Variants in UXS1 observed in about 807,000 individuals in gnomAD.
UXS1 encodes UDP-glucuronate decarboxylase 1.
UXS1 carries 33 observed loss-of-function variants against 62.6 expected under a neutral mutation model. The ratio of observed to expected loss-of-function variants is 0.53; its 90% CI spans 0.40 to 0.70. The LOEUF (loss-of-function observed/expected upper bound fraction) is 0.70, where lower values mean the gene tolerates loss of function less well. Ranked by LOEUF, UXS1 falls within the 30% of genes least tolerant of loss-of-function variation. The pLI, the probability that UXS1 is intolerant of heterozygous loss-of-function variation, is 0.00. For synonymous variants in UXS1, 213 were observed against 206.8 expected, an observed-to-expected ratio of 1.03 and a Z score of -0.26; for missense variants, 434 against 556.3, an observed-to-expected ratio of 0.78 and a Z score of 2.21.
chr2:106,161,943 G>A (rs78854482), intron 4 of UXS1, among the ~76,000 whole-genome samples: 124 of 152,266 alleles, frequency 8.1e-4, no homozygotes, highest in Admixed American at 2.6e-3. Flanking sequence ...TGACAAGCAC[G>A]TCAAGTAAAC....
rs766505530 is a variant in UXS1, at chr2:106,112,661, C to G, written c.864G>C (p.Gln288His). The G allele has an allele frequency of 6.2e-7, 1 of 1,613,880 alleles. No homozygotes were observed. Among genetic ancestry groups the G allele is most frequent in the Non-Finnish European group, 8.5e-7 (1 of 1,179,892 alleles). ...CAGCACCTACCGTGAGTGGCTCCCC[C>G]TGGAGCGCCTGCAGGATGAAGTTGC... is the stretch of plus-strand genomic sequence containing the variant. ...VVSNFILQAL[Q>H]GEPLTVYGSG... is the part of the protein sequence containing the mutation. The change falls in exon 10 of 15, where the codon CAG becomes CAC. Residue 288 changes from glutamine (Q) to histidine (H), a missense_variant. Physicochemically the swap from Gln to His is conservative, Grantham distance 24. Around this residue, in one of 3 missense-constraint regions of UXS1, gnomAD observed 209 missense variants for 233.3 expected, o/e 0.90. Coordinates refer to ENST00000283148, the MANE Select transcript of UXS1 (RefSeq NM_001253875.2).
chr2:106,169,888 A>G (rs762389467), intron 1 of UXS1, among the ~76,000 whole-genome samples: 11 of 152,024 alleles, frequency 7.2e-5, no homozygotes, highest in Non-Finnish European at 1.2e-4. Context: ...GCTTCCCAGG[A>G]TCAGCCCTGG....
intron 5 of UXS1, among the ~76,000 whole-genome samples, chr2:106,146,358 C>A (rs1681565281): frequency 6.6e-6 from 1 of 152,160 alleles, no homozygotes; most frequent in Non-Finnish European, 1.5e-5. Context: ...ATCCTTTCTA[C>A]CTAAAATAAA....
intron 6 of UXS1, among the ~76,000 whole-genome samples, chr2:106,130,653 G>A (rs1043199376): frequency 4.6e-5 from 7 of 152,116 alleles, no homozygotes; most frequent in South Asian, 2.1e-4. Flanking sequence ...CGGGCCTTCC[G>A]GGCTCCCCTG....
intron 1 of UXS1, among the ~76,000 whole-genome samples, chr2:106,184,203 A>C (rs973042274): frequency 6.6e-6 from 1 of 152,206 alleles, no homozygotes; most frequent in Admixed American, 6.5e-5. Flanking sequence ...GAAAAAAATA[A>C]AAGTATAAAA....
chr2:106,146,875 T>C (rs532683288), intron 5 of UXS1, among the ~76,000 whole-genome samples: 2 of 145,696 alleles, frequency 1.4e-5, no homozygotes, highest in Admixed American at 1.4e-4. Flanking sequence ...GAAATTTGGG[T>C]TGGGTGCAGT....
At chr2:106,111,262 A>G (rs1167627958) in intron 10 of UXS1, among the ~76,000 whole-genome samples, 1 of 152,158 alleles carries the variant, frequency 6.6e-6, no homozygotes, top group African/African-American at 2.4e-5. Flanking sequence ...CTGTGCAGTG[A>G]AGGAAGGAGA....
intron 4 of UXS1, among the ~76,000 whole-genome samples, chr2:106,158,510 C>G (rs1682638560): frequency 1.3e-5 from 2 of 152,196 alleles, no homozygotes; most frequent in Admixed American, 6.5e-5. Context: ...ATATGACTGG[C>G]TCCATCTAAC....
In UXS1 at chr2:106,094,007, T is replaced by A. The variant is rs1676870174; in HGVS notation, c.*19A>T. The A allele has an allele frequency of 6.3e-7, 1 of 1,594,856 alleles. No individual in the cohort carries two copies. The highest frequency in any genetic ancestry group is 1.4e-5 in the African/African-American group (1 of 73,560). Reference sequence around the variant, plus strand: ...CATCAAGTGTACAATGGTAGTCTTGTGTCCTAAAAGTGAGGAGTTCAGCTG... The same window carrying A: ...CATCAAGTGTACAATGGTAGTCTTGAGTCCTAAAAGTGAGGAGTTCAGCTG... On this transcript the variant is annotated 3_prime_UTR_variant, in exon 15 of 15. Coordinates refer to ENST00000283148, the MANE Select transcript of UXS1 (RefSeq NM_001253875.2).
chr2:106,183,151 T>C (rs924389735), intron 1 of UXS1, among the ~76,000 whole-genome samples: 18 of 151,878 alleles, frequency 1.2e-4, no homozygotes, highest in African/African-American at 4.3e-4. Flanking sequence ...TCAGAATAAC[T>C]TGGTTCTTTC....
At chr2:106,107,852 C>T (rs1215342925) in intron 10 of UXS1, among the ~76,000 whole-genome samples, 1 of 152,202 alleles carries the variant, frequency 6.6e-6, no homozygotes, top group Non-Finnish European at 1.5e-5. Context: ...AGCTATGCTG[C>T]CTTCAGGTAC....
intron 1 of UXS1, among the ~76,000 whole-genome samples, chr2:106,173,895 G>C (rs1214889000): frequency 1.3e-5 from 2 of 152,210 alleles, no homozygotes; most frequent in Admixed American, 6.5e-5. Context: ...TCTGCTCTAA[G>C]GGATACCAGA....
chr2:106,164,100 C>A (rs1221203319), intron 3 of UXS1, among the ~76,000 whole-genome samples: 1 of 152,318 alleles, frequency 6.6e-6, no homozygotes, highest in East Asian at 1.9e-4. Context: ...CTCATGTTAT[C>A]AGCTGCAGCA....
intron 10 of UXS1, among the ~76,000 whole-genome samples, chr2:106,105,122 T>C (rs1179680098): frequency 6.6e-6 from 1 of 152,190 alleles, no homozygotes; most frequent in East Asian, 1.9e-4. Context: ...TCTTACGATG[T>C]GTCAGGCATC....
chr2:106,158,200 C>G, intron 4 of UXS1, 82 bp from the exon 5 acceptor site: 1 of 1,258,620 alleles, frequency 7.9e-7, no homozygotes, highest in South Asian at 1.3e-5. Context: ...AAAGCATGTG[C>G]CAGGTTTTGG....
chr2:106,111,688 A>G (rs1678622271), intron 10 of UXS1, among the ~76,000 whole-genome samples: 1 of 152,198 alleles, frequency 6.6e-6, no homozygotes, highest in Non-Finnish European at 1.5e-5. Flanking sequence ...AGGACAGAAG[A>G]GTGAGCTAAC....
rs184587378 is a variant in UXS1 at position 106,114,891 on chromosome 2, G to A, written c.760-2126C>T. On this transcript the variant is annotated intron_variant, in intron 9 of 14. Transcript: ENST00000283148. Reference sequence around the variant, plus strand: ...TAAACTCCTTACATGAAATAGACAGGAACCCGAGGCTCACTCCAGTTAAGC... The same window carrying A: ...TAAACTCCTTACATGAAATAGACAGAAACCCGAGGCTCACTCCAGTTAAGC... Among the ~76,000 whole-genome samples, 106 of 152,312 alleles carry A rather than the reference G, an allele frequency of 7.0e-4. 1 individual carries two copies. Among genetic ancestry groups the A allele is most frequent in the African/African-American group, 2.4e-3 (101 of 41,572 alleles).
At chr2:106,162,330 T>C (rs541134092) in intron 4 of UXS1, among the ~76,000 whole-genome samples, 1 of 152,226 alleles carries the variant, frequency 6.6e-6, no homozygotes, top group Non-Finnish European at 1.5e-5. Flanking sequence ...CTCAAAGATA[T>C]CACAAAAGTA....
chr2:106,124,298 G>A (rs1437558200), intron 8 of UXS1, among the ~76,000 whole-genome samples: 1 of 152,130 alleles, frequency 6.6e-6, no homozygotes, highest in Non-Finnish European at 1.5e-5. Context: ...GAAAAGGCTG[G>A]GTACGCCCAT....
Sources: allele counts gnomAD v4.1 joint callset (sites outside exome capture counted in the v4.1 genomes callset), GRCh38; gene constraint gnomAD v4.1.1; regional missense constraint gnomAD v4.1.1; transcripts MANE v1.5; gene names NCBI Gene and HGNC (gene_info 2026-07-23, HGNC 2026-07-21).